Variants in DIP2C observed in about 807,000 individuals in gnomAD.
DIP2C encodes the protein disco-interacting protein 2 homolog C.
DIP2C carries 33 observed loss-of-function variants against 192.4 expected under a neutral mutation model. The ratio of observed to expected loss-of-function variants is 0.17; its 90% CI spans 0.13 to 0.23. The LOEUF is 0.23. Ranked by LOEUF, DIP2C falls within the 10% of genes least tolerant of loss-of-function variation. The probability of loss-of-function intolerance (pLI) is 1.00; values close to 1 mark genes in which losing one functional copy is unlikely to be tolerated. For missense variants in DIP2C, 1,537 were observed against 2,110.1 expected (o/e 0.73, Z 5.32); for synonymous variants, 979 against 864.1 (o/e 1.13, Z -2.33).
At chr10:444,682 AC>A (rs1434050172) in intron 3 of DIP2C, among the ~76,000 whole-genome samples, 1 of 150,510 alleles carries the variant, frequency 6.6e-6, no homozygotes, top group Admixed American at 6.6e-5. Flanking sequence ...CGTCACATGG[AC>A]TCCACAGCAT....
At position 387,657 on chromosome 10, in the gene DIP2C, G is replaced by C. The variant is rs1172304782; in HGVS notation, c.1662+88C>G. On this transcript the variant is annotated intron_variant, in intron 14 of 36. Coordinates refer to ENST00000280886, the MANE Select transcript of DIP2C (RefSeq NM_014974.3). ...GAGGGGACTCCTGTGTGGACAGACAGTATGGGGAGGGGGACTCCTGTGTGG... is the reference window on the plus strand; with the variant it reads ...GAGGGGACTCCTGTGTGGACAGACACTATGGGGAGGGGGACTCCTGTGTGG... 2.7e-6 allele frequency: 3 copies of C among 1,111,896 alleles called. No individual in the cohort carries two copies. The African/African-American group carries it at 4.7e-5, about 17-fold the overall frequency. The allele number at this position is 1,111,896 out of a possible 1,614,324, so 68.9% of individuals were successfully genotyped here.
intron 1 of DIP2C, among the ~76,000 whole-genome samples, chr10:588,966 G>GAGTCC (rs1851246985): frequency 6.6e-6 from 1 of 152,310 alleles, no homozygotes. Context: ...CATCACACAG[G>GAGTCC]AGTCCCGGCT....
intron 1 of DIP2C, among the ~76,000 whole-genome samples, chr10:580,268 TAC>T (rs1376333981): frequency 3.2e-4 from 49 of 151,240 alleles, no homozygotes; most frequent in African/African-American, 1.2e-3. Context: ...ACATATGCAG[TAC>T]ATAGTGTATG....
intron 28 of DIP2C, among the ~76,000 whole-genome samples, chr10:341,965 G>A (rs1461353974): frequency 2.6e-5 from 4 of 152,278 alleles, no homozygotes; most frequent in East Asian, 3.9e-4. Flanking sequence ...TAGGACTGGC[G>A]ACAACTGTCA....
intron 10 of DIP2C, among the ~76,000 whole-genome samples, chr10:397,737 G>A (rs950798309): frequency 6.6e-6 from 1 of 152,210 alleles, no homozygotes; most frequent in African/African-American, 2.4e-5. Context: ...CTTTACAGAA[G>A]AACAAACCAT....
intron 14 of DIP2C, among the ~76,000 whole-genome samples, chr10:386,107 G>C (rs1564645738): frequency 6.6e-6 from 1 of 152,198 alleles, no homozygotes; most frequent in Non-Finnish European, 1.5e-5. Flanking sequence ...AAGCAGGGCT[G>C]TGTGGACAAC....
At chr10:279,531 T>C (rs973767995) in intron 36 of DIP2C, among the ~76,000 whole-genome samples, 2 of 152,216 alleles carry the variant, frequency 1.3e-5, no homozygotes, top group Middle Eastern at 3.2e-3. Context: ...GAACAACTGA[T>C]GAGAAATGAG....
intron 31 of DIP2C, among the ~76,000 whole-genome samples, chr10:320,987 C>T (rs1956980101): frequency 6.9e-6 from 1 of 144,918 alleles, no homozygotes; most frequent in Non-Finnish European, 1.5e-5. Context: ...GAGAGTCCAT[C>T]CAGGCCGAGC....
chr10:644,830 G>A (rs540891729), intron 1 of DIP2C, among the ~76,000 whole-genome samples: 1 of 152,264 alleles, frequency 6.6e-6, no homozygotes, highest in Non-Finnish European at 1.5e-5. Context: ...AATGAAACAC[G>A]GCCCCTGGGC....
At chr10:420,086 T>C (rs999080318) in intron 5 of DIP2C, among the ~76,000 whole-genome samples, 1 of 152,232 alleles carries the variant, frequency 6.6e-6, no homozygotes, top group African/African-American at 2.4e-5. Flanking sequence ...ACCCCGCCAC[T>C]GTCCCACGCA....
At chr10:533,929 A>G (rs816640) in intron 1 of DIP2C, among the ~76,000 whole-genome samples, 39,002 of 151,750 alleles carry the variant, frequency 0.26, 7,021 homozygotes, top group African/African-American at 0.51. Context: ...CTGCAGGTAT[A>G]ATAATGAAAT....
intron 1 of DIP2C, among the ~76,000 whole-genome samples, chr10:515,390 CAT>C (rs759398487): frequency 8.5e-5 from 13 of 152,280 alleles, no homozygotes; most frequent in Middle Eastern, 6.8e-3. Flanking sequence ...GATTTTCAAA[CAT>C]AGACTGGCTT....
At chr10:589,597 G>A (rs758397325) in intron 1 of DIP2C, among the ~76,000 whole-genome samples, 2 of 152,196 alleles carry the variant, frequency 1.3e-5, no homozygotes, top group Non-Finnish European at 1.5e-5. Context: ...ACCTGCTTTT[G>A]CATCTTTGGG....
chr10:609,448 A>G (rs1238292595), intron 1 of DIP2C, among the ~76,000 whole-genome samples: 1 of 152,224 alleles, frequency 6.6e-6, no homozygotes, highest in African/African-American at 2.4e-5. Flanking sequence ...ACATCCTATC[A>G]GGGCTGACTA....
chr10:365,012 T>G (rs1356031080), intron 19 of DIP2C: 1 of 532,962 alleles, frequency 1.9e-6, no homozygotes, highest in South Asian at 1.4e-5. Flanking sequence ...TTGCCCTTGT[T>G]GGAAGTATGC....
At chr10:650,875 C>T in intron 1 of DIP2C, 1 of 717,470 alleles carries the variant, frequency 1.4e-6, no homozygotes. Context: ...AACACAAACT[C>T]CCCCTGGGAT....
At chr10:329,309 G>T in intron 30 of DIP2C, 124 bp downstream of exon 30, 2 of 1,056,660 alleles carry the variant, frequency 1.9e-6, no homozygotes, top group Non-Finnish European at 2.6e-6. Context: ...TTCAGGTGAC[G>T]TTAGATTAAA....
intron 3 of DIP2C, among the ~76,000 whole-genome samples, chr10:451,137 C>T (rs1056777277): frequency 2.6e-5 from 4 of 152,018 alleles, no homozygotes; most frequent in African/African-American, 7.2e-5. Context: ...CAGCCCTGTT[C>T]CTTCTACACC....
intron 7 of DIP2C, among the ~76,000 whole-genome samples, chr10:415,236 G>A (rs577406263): frequency 7.8e-4 from 119 of 152,170 alleles, no homozygotes; most frequent in African/African-American, 2.5e-3. Flanking sequence ...AAAATCAGTC[G>A]TTTCTACTTG....
Sources: allele counts gnomAD v4.1 joint callset (sites outside exome capture counted in the v4.1 genomes callset), GRCh38; gene constraint gnomAD v4.1.1; transcripts MANE v1.5; gene names NCBI Gene and HGNC (gene_info 2026-07-23, HGNC 2026-07-21).